The following GNB1 variants were observed in gnomAD, a reference collection of about 807,000 sequenced individuals.
GNB1 encodes the protein G protein subunit beta 1.
A neutral mutation model predicts 42.9 loss-of-function variants in GNB1; 2 were observed. The observed-to-expected ratio is 0.05, with a 90% CI of 0.02 to 0.15. GNB1 has a LOEUF of 0.15. GNB1 is among the 10% of genes least tolerant of loss of function. GNB1 has a pLI of 1.00. For synonymous variants in GNB1, 183 were observed against 174.7 expected (o/e 1.05, Z -0.38); for missense variants, 193 against 462.2 (o/e 0.42, Z 5.34).
intron 10 of GNB1, chr1:1,788,333 C>T (rs901109267): frequency 1.3e-5 from 2 of 153,028 alleles, no homozygotes; most frequent in Non-Finnish European, 2.9e-5. Context: ...CCTGCAGCCA[C>T]CACACAGCTG....
At chr1:1,890,540 G>A (rs1211750728) in intron 1 of GNB1, 11 of 148,488 alleles carry the variant, frequency 7.4e-5, no homozygotes, top group Non-Finnish European at 1.0e-4. Flanking sequence ...AAGCGCCCGC[G>A]GCGCACACAA....
chr1:1,792,902 C>T (rs1646500681), intron 8 of GNB1, among the ~76,000 whole-genome samples: 1 of 151,740 alleles, frequency 6.6e-6, no homozygotes, highest in African/African-American at 2.4e-5. Flanking sequence ...CTGGTCTCTA[C>T]TAAAAATACA....
At chr1:1,842,856 T>TAC (rs1425939592) in intron 1 of GNB1, among the ~76,000 whole-genome samples, 3 of 152,242 alleles carry the variant, frequency 2.0e-5, no homozygotes, top group African/African-American at 7.2e-5. Context: ...TGATGCAAAC[T>TAC]ACCCCAGACT....
At chr1:1,873,493 C>T (rs1649362214) in intron 1 of GNB1, among the ~76,000 whole-genome samples, 1 of 152,212 alleles carries the variant, frequency 6.6e-6, no homozygotes, top group African/African-American at 2.4e-5. Context: ...TGAGCCCTGC[C>T]CACATCCATA....
In GNB1 at chr1:1,786,516, G is replaced by A. The variant is rs1182284125; in HGVS notation, c.*547C>T. Reference sequence around the variant, plus strand: ...TTACATCATTGACAACATCAGAGAGGCTGCCCTAGACTCTCTGGTTTTGAT... The same window carrying A: ...TTACATCATTGACAACATCAGAGAGACTGCCCTAGACTCTCTGGTTTTGAT... On this transcript the variant is annotated 3_prime_UTR_variant, in exon 12 of 12. Transcript: ENST00000378609. The A allele has an allele frequency of 1.3e-5, 2 of 158,606 alleles. No individual in the cohort carries two copies. The highest frequency in any genetic ancestry group is 4.8e-5 in the African/African-American group (2 of 41,712). 9.8% of individuals were successfully genotyped at this position (158,606 alleles called of 1,614,324 possible). A position where few individuals can be genotyped will look rare whatever the true frequency, so the allele number is the denominator to read the frequency against.
chr1:1,856,240 T>G (rs1357127905), intron 1 of GNB1, among the ~76,000 whole-genome samples: 1 of 152,190 alleles, frequency 6.6e-6, no homozygotes, highest in Non-Finnish European at 1.5e-5. Flanking sequence ...CAGGCTGTTT[T>G]CAAACTCTCA....
At chr1:1,884,275 A>G (rs906464270) in intron 1 of GNB1, among the ~76,000 whole-genome samples, 7 of 151,436 alleles carry the variant, frequency 4.6e-5, no homozygotes, top group Admixed American at 3.3e-4. Context: ...AATTTTTTGT[A>G]TTTTTAGTAG....
chr1:1,880,647 C>G (rs917575766), intron 1 of GNB1, among the ~76,000 whole-genome samples: 1 of 152,082 alleles, frequency 6.6e-6, no homozygotes, highest in Admixed American at 6.6e-5. Context: ...ATTCCTGAAA[C>G]TGTCTCAGGA....
intron 1 of GNB1, among the ~76,000 whole-genome samples, chr1:1,856,060 T>A (rs576040200): frequency 6.6e-6 from 1 of 152,342 alleles, no homozygotes; most frequent in South Asian, 2.1e-4. Context: ...TCTTGCTCTG[T>A]GACCCAGGCT....
In GNB1 at chr1:1,787,572, G is replaced by A. The variant is rs147961032; in HGVS notation, c.917-135C>T. 557 of 571,238 alleles carry A rather than the reference G, an allele frequency of 9.8e-4. No individual in the cohort carries two copies. The highest frequency in any genetic ancestry group is 1.5e-3 in the Non-Finnish European group (474 of 323,582). The allele number at this position is 571,238 out of a possible 1,614,324, so 35.4% of individuals were successfully genotyped here. ...GAGTCTCCCACGGCCAGGAAGGGAG[G>A]GAAAGTTGCATCCACGTGGGGAATT... On this transcript the variant is annotated intron_variant, in intron 10 of 11. Transcript: ENST00000378609. The surrounding 1 kb of genome is among the most constrained non-coding windows in gnomAD (Gnocchi z 4.4).
At position 1,887,361 on chromosome 1, in the gene GNB1, T is replaced by C. The variant is rs112244991; in HGVS notation, c.-96+3459A>G. On this transcript the variant is annotated intron_variant, in intron 1 of 11. Coordinates refer to ENST00000378609, the MANE Select transcript of GNB1 (RefSeq NM_002074.5). The stretch of plus-strand genomic sequence containing the variant: ...GTCTAGAGATGCCCTGAAGACCTTT[T>C]TCATCCTTTTATCAAAGCTGTTTTT... 9.3e-3 allele frequency among the ~76,000 whole-genome samples: 1,410 copies of C among 152,304 alleles called. 27 individuals are homozygous for C. The highest frequency in any genetic ancestry group is 0.033 in the African/African-American group (1,358 of 41,548).
chr1:1,845,834 C>G (rs12758372), intron 1 of GNB1, among the ~76,000 whole-genome samples: 140 of 56,408 alleles, frequency 2.5e-3, no homozygotes, highest in African/African-American at 3.5e-3. Context: ...TACACACACA[C>G]ACACACACAC....
At chr1:1,866,987 C>T (rs1001694254) in intron 1 of GNB1, among the ~76,000 whole-genome samples, 1 of 151,948 alleles carries the variant, frequency 6.6e-6, no homozygotes, top group Non-Finnish European at 1.5e-5. Context: ...CAATTCTAGG[C>T]CGGGTGCAGT....
chr1:1,795,524 G>A (rs1306190583), intron 7 of GNB1, among the ~76,000 whole-genome samples: 1 of 152,072 alleles, frequency 6.6e-6, no homozygotes. Flanking sequence ...CCAGCACTTG[G>A]GGAGGCTGAG....
intron 1 of GNB1, among the ~76,000 whole-genome samples, chr1:1,863,456 T>G (rs1570732458): frequency 6.6e-6 from 1 of 152,056 alleles, no homozygotes; most frequent in African/African-American, 2.4e-5. Context: ...ACTGGAGGGG[T>G]TTGGGAGTGG....
At chr1:1,842,646 G>A (rs1270000909) in intron 1 of GNB1, among the ~76,000 whole-genome samples, 6 of 152,314 alleles carry the variant, frequency 3.9e-5, no homozygotes, top group Admixed American at 3.9e-4. Context: ...TGTGTGTGCA[G>A]TGGACAATTA....
At chr1:1,811,046 C>T (rs949582667) in intron 5 of GNB1, among the ~76,000 whole-genome samples, 2 of 148,436 alleles carry the variant, frequency 1.3e-5, no homozygotes, top group East Asian at 2.0e-4. Context: ...GAGTGCAATG[C>T]GCATGTTTGT....
intron 1 of GNB1, among the ~76,000 whole-genome samples, chr1:1,865,161 C>G (rs1008737507): frequency 6.6e-6 from 1 of 150,428 alleles, no homozygotes; most frequent in Non-Finnish European, 1.5e-5. Context: ...ACTCGGGAGG[C>G]TGAGGCAGGA....
intron 5 of GNB1, among the ~76,000 whole-genome samples, chr1:1,807,895 G>A (rs1646723492): frequency 6.6e-6 from 1 of 152,062 alleles, no homozygotes; most frequent in African/African-American, 2.4e-5. Flanking sequence ...ATTTTTAGCA[G>A]AGACAGGGTC....
Sources: allele counts gnomAD v4.1 joint callset (sites outside exome capture counted in the v4.1 genomes callset), GRCh38; gene constraint gnomAD v4.1.1; non-coding constraint Gnocchi (gnomAD v3.1); transcripts MANE v1.5; gene names NCBI Gene and HGNC (gene_info 2026-07-23, HGNC 2026-07-21).